Variants in PRKCE observed in about 807,000 individuals in gnomAD.
The protein encoded by PRKCE is protein kinase C epsilon type.
PRKCE carries 16 observed loss-of-function variants against 85.4 expected under a neutral mutation model. That is an observed-to-expected ratio of 0.19 (90% CI 0.13 to 0.28). The LOEUF is 0.28. Among genes scored for constraint, PRKCE ranks in the 10% least tolerant of loss-of-function variants. PRKCE has a pLI of 1.00. For synonymous variants in PRKCE, 388 were observed against 371.5 expected (o/e 1.04, Z -0.51); for missense variants, 573 against 975.2 (o/e 0.59, Z 5.49).
chr2:45,743,190 G>C (rs540644835), intron 1 of PRKCE, among the ~76,000 whole-genome samples: 8 of 152,114 alleles, frequency 5.3e-5, no homozygotes, highest in African/African-American at 1.9e-4. Flanking sequence ...GAAACCTAAT[G>C]TACAGCATAA....
intron 2 of PRKCE, among the ~76,000 whole-genome samples, chr2:45,948,419 C>T (rs1047061092): frequency 3.3e-5 from 5 of 152,214 alleles, no homozygotes; most frequent in South Asian, 2.1e-4. Context: ...GTGGGATGAT[C>T]GCTTGAGGGC....
chr2:45,897,634 A>T (rs2103676267), intron 2 of PRKCE, among the ~76,000 whole-genome samples: 1 of 152,228 alleles, frequency 6.6e-6, no homozygotes, highest in Non-Finnish European at 1.5e-5. Context: ...CCCATTTTTT[A>T]TGGCTACATT....
At chr2:45,657,357 C>T (rs76982408) in intron 1 of PRKCE, among the ~76,000 whole-genome samples, 4,117 of 152,216 alleles carry the variant, frequency 0.027, 76 homozygotes, top group Non-Finnish European at 0.043. Context: ...CTTAACCTTC[C>T]GTATTTCCAT....
intron 2 of PRKCE, among the ~76,000 whole-genome samples, chr2:45,953,929 A>T (rs1374193953): frequency 1.3e-5 from 2 of 152,130 alleles, no homozygotes; most frequent in African/African-American, 2.4e-5. Flanking sequence ...AGGAAGTCAA[A>T]TTTTCACAGA....
chr2:45,904,208 A>C (rs1447077175), intron 2 of PRKCE, among the ~76,000 whole-genome samples: 8 of 152,126 alleles, frequency 5.3e-5, no homozygotes, highest in African/African-American at 1.9e-4. Context: ...AATGTTACTA[A>C]AAAAGCTTTT....
At chr2:46,054,378 T>A (rs775232756) in intron 10 of PRKCE, among the ~76,000 whole-genome samples, 111 of 152,348 alleles carry the variant, frequency 7.3e-4, no homozygotes, top group Non-Finnish European at 1.0e-3. Context: ...TTCAAGGTTA[T>A]GCAGGAAGTT....
intron 13 of PRKCE, among the ~76,000 whole-genome samples, chr2:46,151,665 G>C (rs990306179): frequency 6.6e-6 from 1 of 151,724 alleles, no homozygotes; most frequent in Non-Finnish European, 1.5e-5. Context: ...GGAGGGGAGG[G>C]AGGGTGGGCA....
chr2:45,865,184 T>C (rs1693487767), intron 2 of PRKCE, among the ~76,000 whole-genome samples: 1 of 152,198 alleles, frequency 6.6e-6, no homozygotes, highest in African/African-American at 2.4e-5. Context: ...CCAGTTCTGC[T>C]AGTCTGTGGA....
intron 6 of PRKCE, among the ~76,000 whole-genome samples, chr2:45,999,764 G>C (rs1435729356): frequency 1.3e-5 from 2 of 151,992 alleles, no homozygotes; most frequent in Non-Finnish European, 2.9e-5. Flanking sequence ...ACTTTTTGTA[G>C]TTATCACCCA....
At chr2:45,687,558 C>A (rs1677394779) in intron 1 of PRKCE, among the ~76,000 whole-genome samples, 1 of 152,112 alleles carries the variant, frequency 6.6e-6, no homozygotes, top group South Asian at 2.1e-4. Flanking sequence ...ATTCCACTTC[C>A]AGAAATGTTG....
intron 1 of PRKCE, among the ~76,000 whole-genome samples, chr2:45,681,771 G>A (rs1169979001): frequency 6.6e-6 from 1 of 152,184 alleles, no homozygotes; most frequent in Non-Finnish European, 1.5e-5. Context: ...CAAGGACTGT[G>A]AGAGGCATGC....
chr2:45,914,814 C>G (rs1229669016), intron 2 of PRKCE, among the ~76,000 whole-genome samples: 1 of 152,194 alleles, frequency 6.6e-6, no homozygotes, highest in African/African-American at 2.4e-5. Flanking sequence ...GAGCACTCAG[C>G]TGTTGGGGAG....
intron 11 of PRKCE, among the ~76,000 whole-genome samples, chr2:46,130,603 G>C (rs115551981): frequency 0.013 from 1,972 of 152,256 alleles, 21 homozygotes; most frequent in Non-Finnish European, 0.019. Flanking sequence ...ATTTGTCATA[G>C]ATCTGAACCA....
Position 46,007,605 on chromosome 2 carries a change from C to G in PRKCE, c.1207C>G (p.Leu403Val). 6.3e-7 allele frequency: 1 copy of G among 1,599,800 alleles called. No homozygotes were observed. The highest frequency in any genetic ancestry group is 8.5e-7 in the Non-Finnish European group (1 of 1,179,970). ...GEVRQGQAKR[L>V]GLDEFNFIKV... ...AGTCCGGCAAGGCCAGGCCAAGCGC[C>G]TGGGCCTGGATGAGTTCAACTTCAT... The change falls in exon 9 of 15, where the codon CTG (leucine) becomes GTG (valine). Residue 403 changes from leucine (L) to valine (V), a missense_variant. Around this residue, in one of 11 missense-constraint regions of PRKCE, gnomAD observed 117 missense variants for 104.8 expected, o/e 1.12. Coordinates refer to ENST00000306156, the MANE Select transcript of PRKCE (RefSeq NM_005400.3).
chr2:45,924,515 C>A (rs974837899), intron 2 of PRKCE, among the ~76,000 whole-genome samples: 1 of 152,192 alleles, frequency 6.6e-6, no homozygotes, highest in African/African-American at 2.4e-5. Flanking sequence ...GCTCCCATGC[C>A]AGACTGAATC....
chr2:45,810,839 A>G (rs1256259008), intron 1 of PRKCE, among the ~76,000 whole-genome samples: 1 of 152,232 alleles, frequency 6.6e-6, no homozygotes, highest in Admixed American at 6.5e-5. Flanking sequence ...TATTAACAGT[A>G]TTTGTTCACT....
chr2:45,740,739 C>T (rs536367889), intron 1 of PRKCE, among the ~76,000 whole-genome samples: 14 of 152,178 alleles, frequency 9.2e-5, no homozygotes, highest in Admixed American at 2.0e-4. Context: ...TTATTCACTT[C>T]GAACACTACA....
chr2:46,086,773 A>G (rs1043735568), intron 11 of PRKCE, among the ~76,000 whole-genome samples: 8 of 152,090 alleles, frequency 5.3e-5, no homozygotes, highest in Non-Finnish European at 7.3e-5. Flanking sequence ...TGTTTGGCTT[A>G]GTTTTCTCCA....
chr2:46,060,491 C>T (rs765752412), intron 10 of PRKCE, among the ~76,000 whole-genome samples: 10 of 152,170 alleles, frequency 6.6e-5, no homozygotes, highest in African/African-American at 2.2e-4. Flanking sequence ...CTCATCAACA[C>T]GGAGCTGTCA....
Sources: allele counts gnomAD v4.1 joint callset (sites outside exome capture counted in the v4.1 genomes callset), GRCh38; gene constraint gnomAD v4.1.1; regional missense constraint gnomAD v4.1.1; transcripts MANE v1.5; gene names NCBI Gene and HGNC (gene_info 2026-07-23, HGNC 2026-07-21).